Variants in PER1 observed in about 807,000 individuals in gnomAD.
PER1 encodes period circadian regulator 1.
In PER1, 87 loss-of-function variants were observed where a neutral mutation model predicts 125.9. The observed-to-expected ratio is 0.69, with a 90% CI of 0.58 to 0.83. The LOEUF (loss-of-function observed/expected upper bound fraction) is 0.83, where lower values mean the gene tolerates loss of function less well. PER1 is among the 40% of genes least tolerant of loss of function. The pLI is 0.00. For synonymous variants in PER1, 801 were observed against 714.7 expected, an observed-to-expected ratio of 1.12 and a Z score of -1.93; for missense variants, 1,775 against 1,722.8, an observed-to-expected ratio of 1.03 and a Z score of -0.54.
At chr17:8,141,432 C>T in intron 22 of PER1, 92 bp from the exon 23 acceptor site, 1 of 1,397,516 alleles carries the variant, frequency 7.2e-7, no homozygotes, top group Non-Finnish European at 9.6e-7. Flanking sequence ...ACTGTGCTTC[C>T]CGAAATGTAC....
In PER1 at chr17:8,150,319, T is replaced by A; in HGVS notation, c.276-2A>T. Reference sequence around the variant, plus strand: ...GGGGATGGGCTCTGAGAGTTTGTGCTAGGAGACAGCAACAGGCCCAGTTAC... The same window carrying A: ...GGGGATGGGCTCTGAGAGTTTGTGCAAGGAGACAGCAACAGGCCCAGTTAC... On this transcript the variant is annotated splice_acceptor_variant, in intron 2 of 22. Transcript: ENST00000317276. LOFTEE classifies it high-confidence loss of function. The A allele has an allele frequency of 6.5e-7, 1 of 1,549,182 alleles. No homozygotes were observed. Among genetic ancestry groups the A allele is most frequent in the Non-Finnish European group, 8.7e-7 (1 of 1,145,662 alleles).
chr17:8,147,857 AAAGG>A (rs776994373), intron 10 of PER1, 30 bp from the exon 11 acceptor site: 2 of 1,612,554 alleles, frequency 1.2e-6, no homozygotes, highest in Admixed American at 3.3e-5. Flanking sequence ...AGGAGCGGTC[AAAGG>A]GAGGGAGAGC....
chr17:8,149,761 C>T lies in PER1; in HGVS notation c.645G>A (p.Gln215=), dbSNP rs369820908. ...LEHITSEYTL[Q]NQDTFSVAVS... ...AGGCCAGGCCGCCGCTGACCTGGTT[C>T]TGAAGTGTGTACTCAGACGTGATGT... is the stretch of plus-strand genomic sequence containing the variant. Residue 215 remains glutamine (Q), a synonymous_variant, in exon 5 of 23, where the codon CAG becomes CAA. Transcript: ENST00000317276. 1.1e-5 allele frequency: 18 copies of T among 1,612,930 alleles called. No individual in the cohort carries two copies. Among genetic ancestry groups the T allele is most frequent in the African/African-American group, 2.7e-5 (2 of 75,058 alleles).
rs768276385 is a variant in PER1, at chr17:8,146,357, G to A, written c.2038+15C>T. Reference sequence around the variant, plus strand: ...CAGGACGGGGCAGTGGGAGCAGGGTGCATTGGATCTTTACCTTTCTTGGTC... The same window carrying A: ...CAGGACGGGGCAGTGGGAGCAGGGTACATTGGATCTTTACCTTTCTTGGTC... On this transcript the variant is annotated intron_variant, in intron 16 of 22. Coordinates refer to ENST00000317276, the MANE Select transcript of PER1 (RefSeq NM_002616.3). The A allele has an allele frequency of 3.8e-6, 6 of 1,590,408 alleles. No homozygotes were observed. In the South Asian group the frequency reaches 4.6e-5, roughly 12 times the overall value.
At chr17:8,147,436 C>T in intron 12 of PER1, 34 bp downstream of exon 12, 1 of 1,612,802 alleles carries the variant, frequency 6.2e-7, no homozygotes, top group Non-Finnish European at 8.5e-7. Context: ...CACACCTTTT[C>T]TCACCTCCCA....
intron 16 of PER1, 26 bp downstream of exon 16, chr17:8,146,346 G>A (rs1331799093): frequency 6.3e-7 from 1 of 1,578,976 alleles, no homozygotes; most frequent in Admixed American, 1.8e-5. Flanking sequence ...ACGGGGCAGT[G>A]GGAGCAGGGT....
chr17:8,141,590 C>A (rs1004037193), intron 22 of PER1, among the ~76,000 whole-genome samples: 1 of 152,184 alleles, frequency 6.6e-6, no homozygotes, highest in Non-Finnish European at 1.5e-5. Flanking sequence ...AAGACTCACG[C>A]GGCTTAATAT....
chr17:8,147,185 G>A, intron 13 of PER1, 65 bp downstream of exon 13: 1 of 1,543,766 alleles, frequency 6.5e-7, no homozygotes, highest in Non-Finnish European at 8.8e-7. Flanking sequence ...GGGACTGGCA[G>A]TGCTGGTTCC....
At chr17:8,145,873 C>G in intron 17 of PER1, 85 bp downstream of exon 17, 1 of 1,460,436 alleles carries the variant, frequency 6.8e-7, no homozygotes, top group East Asian at 2.4e-5. Flanking sequence ...CCATCAGGCC[C>G]TAGAGGGGAG....
At chr17:8,148,142 GC>G (rs1567536436) in intron 9 of PER1, 38 bp downstream of exon 9, 1 of 1,611,854 alleles carries the variant, frequency 6.2e-7, no homozygotes. Flanking sequence ...CGTGGCCTCA[GC>G]CCTGGCTGCC....
At chr17:8,149,033 A>G in intron 7 of PER1, 1 of 614,776 alleles carries the variant, frequency 1.6e-6, no homozygotes, top group Non-Finnish European at 2.8e-6. Flanking sequence ...TACTGAAAAT[A>G]CAAAAATTAG....
chr17:8,141,361 TGAGA>T (rs781542019), intron 22 of PER1, 21 bp from the exon 23 acceptor site: 104 of 1,581,814 alleles, frequency 6.6e-5, no homozygotes, highest in Middle Eastern at 2.0e-4. Context: ...GAAATGGACA[TGAGA>T]GAGTCAGACA....
Position 8,148,278 on chromosome 17 carries a change from G to A in PER1, c.1049-19C>T, listed in dbSNP as rs759726488. 4 of 1,605,470 alleles carry A rather than the reference G, an allele frequency of 2.5e-6. No individual in the cohort carries two copies. The East Asian group carries it at 8.9e-5, about 36-fold the overall frequency. On this transcript the variant is annotated intron_variant, in intron 8 of 22. Transcript: ENST00000317276. The stretch of plus-strand genomic sequence containing the variant: ...CGGGGAGCTGAGGCACAGAGAGTGT[G>A]GTCACTGGGTTTCGTCCAGAATGCC...
rs1310214275 is a variant in PER1, at chr17:8,145,943, A to G, written c.2218+15T>C. The G allele has an allele frequency of 5.1e-6, 8 of 1,582,452 alleles. No individual in the cohort carries two copies. The highest frequency in any genetic ancestry group is 1.2e-5 in the South Asian group (1 of 85,176). ...GGTGGAGCCCAAGCACTGCCCCCCA[A>G]TTCCACACCCATACCCGACTCCGGG... On this transcript the variant is annotated intron_variant, in intron 17 of 22. Coordinates refer to ENST00000317276, the MANE Select transcript of PER1 (RefSeq NM_002616.3).
rs755572076 is a variant in PER1, at chr17:8,149,273, G to C, written c.891C>G (p.Val297=). Residue 297 remains valine (V), a synonymous_variant, in exon 7 of 23, where the codon GTC becomes GTG. Coordinates refer to ENST00000317276, the MANE Select transcript of PER1 (RefSeq NM_002616.3). The part of the protein sequence containing the change: ...GLRDFTQEKS[V]FCRIRGGPDR... ...CCCTCACCTACCTGATACGGCAGAAGACGGACTTCTCCTGGGTAAAGTCCC... is the reference window on the plus strand; with the variant it reads ...CCCTCACCTACCTGATACGGCAGAACACGGACTTCTCCTGGGTAAAGTCCC... 8.1e-6 allele frequency: 13 copies of C among 1,613,656 alleles called. No individual in the cohort carries two copies. The highest frequency in any genetic ancestry group is 1.1e-5 in the Non-Finnish European group (13 of 1,179,840).
chr17:8,144,636 G>A (rs746355748), intron 18 of PER1, 115 bp downstream of exon 18: 10 of 1,397,068 alleles, frequency 7.2e-6, no homozygotes, highest in Non-Finnish European at 9.8e-6. Flanking sequence ...CCTAGTGGTG[G>A]AAGCAACACC....
intron 20 of PER1, 35 bp from the exon 21 acceptor site, chr17:8,142,493 C>T (rs1488397190): frequency 6.4e-7 from 1 of 1,551,330 alleles, no homozygotes; most frequent in Admixed American, 1.9e-5. Flanking sequence ...GGGAGTCAGG[C>T]CGGCTGCATG....
At position 8,148,264 on chromosome 17, in the gene PER1, G is replaced by C. The variant is rs776573070; in HGVS notation, c.1049-5C>G. On this transcript the variant is annotated splice_polypyrimidine_tract_variant and splice_region_variant and intron_variant, in intron 8 of 22. Transcript: ENST00000317276. ...TGTCAGGGGGTATCCGGGGAGCTGA[G>C]GCACAGAGAGTGTGGTCACTGGGTT... The C allele has an allele frequency of 1.2e-6, 2 of 1,612,612 alleles. No homozygotes were observed. Among genetic ancestry groups the C allele is most frequent in the African/African-American group, 1.3e-5 (1 of 74,888 alleles).
intron 6 of PER1, 65 bp from the exon 7 acceptor site, chr17:8,149,375 C>G (rs1982679027): frequency 1.9e-6 from 3 of 1,608,202 alleles, no homozygotes; most frequent in Middle Eastern, 3.3e-4. Context: ...GAAGAATCCA[C>G]TAAGGGAAAG....
Sources: allele counts gnomAD v4.1 joint callset (sites outside exome capture counted in the v4.1 genomes callset), GRCh38; gene constraint gnomAD v4.1.1; transcripts MANE v1.5; gene names NCBI Gene and HGNC (gene_info 2026-07-23, HGNC 2026-07-21).